The following FBXL13 variants were observed in gnomAD, a reference collection of about 807,000 sequenced individuals.
FBXL13 encodes the protein F-box and leucine rich repeat protein 13.
FBXL13 carries 67 observed loss-of-function variants against 83.6 expected under a neutral mutation model. The ratio of observed to expected loss-of-function variants is 0.80; its 90% CI spans 0.66 to 0.98. The LOEUF (loss-of-function observed/expected upper bound fraction) is 0.98, where lower values mean the gene tolerates loss of function less well. FBXL13 is among the 50% of genes least tolerant of loss of function. FBXL13 has a pLI of 0.00. For missense variants in FBXL13, 822 were observed against 866.5 expected (o/e 0.95, Z 0.64); for synonymous variants, 272 against 299.5 (o/e 0.91, Z 0.95).
At chr7:102,992,952 A>G (rs1829734609) in intron 6 of FBXL13, among the ~76,000 whole-genome samples, 1 of 152,214 alleles carries the variant, frequency 6.6e-6, no homozygotes, top group Non-Finnish European at 1.5e-5. Flanking sequence ...AAGTGATGAA[A>G]GTGAGGTCTA....
At chr7:102,838,114 C>G (rs1413350421) in intron 17 of FBXL13, among the ~76,000 whole-genome samples, 1 of 152,188 alleles carries the variant, frequency 6.6e-6, no homozygotes, top group Non-Finnish European at 1.5e-5. Flanking sequence ...AGGCAGCATA[C>G]AGGGTTGGTT....
chr7:102,838,205 C>T (rs1802333260), intron 17 of FBXL13, among the ~76,000 whole-genome samples: 2 of 152,176 alleles, frequency 1.3e-5, no homozygotes, highest in African/African-American at 4.8e-5. Context: ...AGTTACTCAA[C>T]CTCTCTTACC....
At chr7:102,816,024 G>C (rs768210533) in intron 19 of FBXL13, among the ~76,000 whole-genome samples, 1 of 152,154 alleles carries the variant, frequency 6.6e-6, no homozygotes, top group Non-Finnish European at 1.5e-5. Flanking sequence ...GCTGCATGTT[G>C]AACCCCAGCC....
Position 102,986,980 on chromosome 7 carries a change from TA to T in FBXL13, c.496-18864del, listed in dbSNP as rs796120775. On this transcript the variant is annotated intron_variant, in intron 6 of 19. Transcript: ENST00000313221. ...ACACACACCATAGAATACTAAGCCA[TA>T]AAAAAAAAATGTATTTTGCAGCAAT... Among the ~76,000 whole-genome samples, 1,409 of 146,530 alleles carry T rather than the reference TA, an allele frequency of 9.6e-3. 27 individuals carry two copies. The highest frequency in any genetic ancestry group is 0.03 in the African/African-American group (1,194 of 40,062).
chr7:102,942,321 T>TA, intron 8 of FBXL13: 1 of 1,593,906 alleles, frequency 6.3e-7, no homozygotes, highest in East Asian at 2.3e-5. Context: ...CAAGTAGACT[T>TA]ACGTGAATGA....
intron 6 of FBXL13, among the ~76,000 whole-genome samples, chr7:103,020,276 C>T (rs1181485817): frequency 1.3e-5 from 2 of 152,112 alleles, no homozygotes; most frequent in African/African-American, 4.8e-5. Context: ...ATTCAACAAC[C>T]CTTCGTGCTA....
intron 8 of FBXL13, among the ~76,000 whole-genome samples, chr7:102,962,048 C>A (rs199901070): frequency 3.1e-3 from 411 of 133,268 alleles, no homozygotes; most frequent in East Asian, 5.1e-3. Flanking sequence ...AGTGAACAGG[C>A]AACCTACAAA....
At chr7:102,847,130 G>A (rs1374414237) in intron 17 of FBXL13, among the ~76,000 whole-genome samples, 1 of 152,020 alleles carries the variant, frequency 6.6e-6, no homozygotes, top group Non-Finnish European at 1.5e-5. Flanking sequence ...CAATGGCAAA[G>A]TTGGGAAGTT....
intron 10 of FBXL13, 99 bp from the exon 12 acceptor site, chr7:102,913,314 T>C (rs113310299): frequency 6.9e-7 from 1 of 1,446,672 alleles, no homozygotes; most frequent in Non-Finnish European, 9.5e-7. Context: ...AATTCAACTC[T>C]TCTTCTTGCA....
At chr7:102,989,422 T>A (rs2129484305) in intron 6 of FBXL13, among the ~76,000 whole-genome samples, 2 of 152,338 alleles carry the variant, frequency 1.3e-5, no homozygotes, top group Middle Eastern at 6.8e-3. Context: ...TTTCATTGCC[T>A]TGGCCTCACA....
intron 2 of FBXL13, among the ~76,000 whole-genome samples, chr7:103,053,234 C>T (rs1255515782): frequency 6.6e-6 from 1 of 152,004 alleles, no homozygotes; most frequent in African/African-American, 2.4e-5. Context: ...CACATTGCAA[C>T]CTCCACCTCC....
intron 11 of FBXL13, among the ~76,000 whole-genome samples, chr7:102,887,428 C>G (rs1810945621): frequency 6.6e-6 from 1 of 152,030 alleles, no homozygotes; most frequent in Non-Finnish European, 1.5e-5. Flanking sequence ...CACACACACA[C>G]ACACACACAC....
intron 19 of FBXL13, among the ~76,000 whole-genome samples, chr7:102,817,061 A>G (rs1366638545): frequency 2.0e-5 from 3 of 152,244 alleles, no homozygotes; most frequent in African/African-American, 2.4e-5. Context: ...TGATGCTGCA[A>G]TAAACATACA....
chr7:102,897,630 A>C (rs1210197842), intron 11 of FBXL13, among the ~76,000 whole-genome samples: 1 of 152,198 alleles, frequency 6.6e-6, no homozygotes, highest in Non-Finnish European at 1.5e-5. Context: ...AATAAATCCA[A>C]TGTGAAATAA....
chr7:103,069,247 G>A (rs1798695990), intron 1 of FBXL13, among the ~76,000 whole-genome samples: 1 of 152,090 alleles, frequency 6.6e-6, no homozygotes, highest in Admixed American at 6.6e-5. Flanking sequence ...GCACCTTCTG[G>A]GAAGTGAGGA....
At chr7:102,814,270 G>A (rs1562890010) in intron 19 of FBXL13, 1 of 152,168 alleles carries the variant, frequency 6.6e-6, no homozygotes, top group Non-Finnish European at 1.5e-5. Context: ...TGTACGATTA[G>A]AAATGAGTAA....
intron 2 of FBXL13, among the ~76,000 whole-genome samples, chr7:103,043,004 A>C (rs1795892612): frequency 6.6e-6 from 1 of 152,228 alleles, no homozygotes; most frequent in Non-Finnish European, 1.5e-5. Flanking sequence ...TCTGCTCAGC[A>C]AAAGAAACTA....
intron 8 of FBXL13, chr7:102,942,281 A>G (rs940356586): frequency 6.3e-7 from 1 of 1,595,552 alleles, no homozygotes; most frequent in Non-Finnish European, 8.5e-7. Context: ...AAGGTCTCCT[A>G]TATTTCAGGG....
intron 6 of FBXL13, among the ~76,000 whole-genome samples, chr7:103,023,681 A>G (rs948795087): frequency 1.3e-5 from 2 of 152,240 alleles, no homozygotes; most frequent in African/African-American, 4.8e-5. Flanking sequence ...GCATATGCAC[A>G]TCACAGCACT....
Sources: allele counts gnomAD v4.1 joint callset (sites outside exome capture counted in the v4.1 genomes callset), GRCh38; gene constraint gnomAD v4.1.1; transcripts MANE v1.5; gene names NCBI Gene and HGNC (gene_info 2026-07-23, HGNC 2026-07-21).